Variants in FAM50B observed in about 807,000 individuals in gnomAD.
FAM50B encodes family with sequence similarity 50 member B, also known as protein FAM50B.
FAM50B carries 9 observed loss-of-function variants against 25.4 expected under a neutral mutation model. That is an observed-to-expected ratio of 0.35 (90% CI 0.21 to 0.62). The LOEUF (loss-of-function observed/expected upper bound fraction) is 0.62, where lower values mean the gene tolerates loss of function less well. FAM50B is among the 20% of genes least tolerant of loss of function. The pLI is 0.73. For synonymous variants in FAM50B, 212 were observed against 204.3 expected (o/e 1.04, Z -0.32); for missense variants, 372 against 477.9 (o/e 0.78, Z 2.07).
the FAM50B span, among the ~76,000 whole-genome samples, chr6:3,834,377 A>G: frequency 6.9e-6 from 1 of 145,138 alleles, no homozygotes; most frequent in African/African-American, 2.5e-5. Context: ...AAAAAAAAAA[A>G]GGAAGAAAAG....
chr6:3,849,759 T>C, intron 1 of FAM50B, 30 bp from the exon 2 acceptor site: 2 of 1,536,756 alleles, frequency 1.3e-6, no homozygotes, highest in African/African-American at 1.4e-5. Context: ...GGCCCCCCTC[T>C]ACCTGCCGCG....
intron 1 of FAM50B, 81 bp downstream of exon 1, chr6:3,849,567 C>T: frequency 1.7e-6 from 1 of 598,122 alleles, no homozygotes; most frequent in South Asian, 2.5e-5. Context: ...GGCAGCCACC[C>T]GTTACGTGGG....
At chr6:3,833,363 G>T in the FAM50B span, among the ~76,000 whole-genome samples, 2 of 152,092 alleles carry the variant, frequency 1.3e-5, no homozygotes, top group Non-Finnish European at 2.9e-5. Flanking sequence ...CAGTATCCTC[G>T]TCTGTAAGAT....
Position 3,850,591 on chromosome 6 carries a change from C to G in FAM50B, c.780C>G (p.Gly260=), listed in dbSNP as rs1290021041. The change falls in exon 2 of 2, where the codon GGC becomes GGG. Residue 260 remains glycine, a synonymous_variant. Coordinates refer to ENST00000648326, the MANE Select transcript of FAM50B (RefSeq NM_012135.3). Reference sequence around the variant, plus strand: ...ACTTCATCATCGCCAGGGCGAGGGGCAAGAGCGGGCCGCTCTTCAGCTTCG... The same window carrying G: ...ACTTCATCATCGCCAGGGCGAGGGGGAAGAGCGGGCCGCTCTTCAGCTTCG... ...FYDFIIARAR[G]KSGPLFSFDV... is the part of the protein sequence containing the mutation. The G allele has an allele frequency of 6.2e-7, 1 of 1,614,004 alleles. No homozygotes were observed. The highest frequency in any genetic ancestry group is 1.3e-5 in the African/African-American group (1 of 74,942).
At chr6:3,838,936 T>C in the FAM50B span, among the ~76,000 whole-genome samples, 1 of 151,444 alleles carries the variant, frequency 6.6e-6, no homozygotes, top group Non-Finnish European at 1.5e-5. Flanking sequence ...ATCAAATGCA[T>C]TATACTGGAG....
chr6:3,849,688 T>G, intron 1 of FAM50B, 101 bp from the exon 2 acceptor site: 1 of 1,431,590 alleles, frequency 7.0e-7, no homozygotes, highest in Non-Finnish European at 9.1e-7. Flanking sequence ...CCTGAACGCT[T>G]CCATCACTGC....
upstream of FAM50B, among the ~76,000 whole-genome samples, chr6:3,844,444 C>G (rs1425230271): frequency 2.0e-5 from 3 of 152,084 alleles, no homozygotes; most frequent in African/African-American, 7.2e-5. Flanking sequence ...GGCGAGGTGG[C>G]TCACGCCTGT....
At chr6:3,835,147 G>A in the FAM50B span, among the ~76,000 whole-genome samples, 1 of 152,318 alleles carries the variant, frequency 6.6e-6, no homozygotes, top group Admixed American at 6.5e-5. Flanking sequence ...GTCCTGTTGT[G>A]TTAGGGCAGG....
the FAM50B span, among the ~76,000 whole-genome samples, chr6:3,838,065 C>G: frequency 6.6e-6 from 1 of 152,120 alleles, no homozygotes; most frequent in Non-Finnish European, 1.5e-5. Flanking sequence ...TGATACAGTC[C>G]CTGTAGAAAA....
chr6:3,850,652 AC>A lies in FAM50B; in HGVS notation c.843del (p.Met282TrpfsTer62). ...TGACGTGCGCCTGCTCAGCGACGCCACCATGGAGAAGGACGAGTCGCACGCG... is the reference window on the plus strand; with the variant it reads ...TGACGTGCGCCTGCTCAGCGACGCCACATGGAGAAGGACGAGTCGCACGCG... ...HDDVRLLSDA[T>X]MEKDESHAGK... On this transcript the variant is annotated frameshift_variant, in exon 2 of 2. Coordinates refer to ENST00000648326, the MANE Select transcript of FAM50B (RefSeq NM_012135.3). LOFTEE classifies it high-confidence loss of function. The A allele has an allele frequency of 6.2e-7, 1 of 1,614,122 alleles. No individual in the cohort carries two copies. Among genetic ancestry groups the A allele is most frequent in the East Asian group, 2.2e-5 (1 of 44,872 alleles).
the FAM50B span, among the ~76,000 whole-genome samples, chr6:3,837,270 CAAG>C: frequency 6.6e-6 from 1 of 152,020 alleles, no homozygotes; most frequent in African/African-American, 2.4e-5. Context: ...CTGCAAAAGA[CAAG>C]AGAAGAAAAA....
the FAM50B span, among the ~76,000 whole-genome samples, chr6:3,838,430 C>T: frequency 1.3e-5 from 2 of 152,180 alleles, no homozygotes; most frequent in Non-Finnish European, 2.9e-5. Flanking sequence ...CATGAACTGG[C>T]CTGGCATGGT....
At position 3,850,218 on chromosome 6, in the gene FAM50B, C is replaced by G. The variant is rs768152468; in HGVS notation, c.407C>G (p.Ala136Gly). 3 of 1,613,298 alleles carry G rather than the reference C, an allele frequency of 1.9e-6. No individual in the cohort carries two copies. The highest frequency in any genetic ancestry group is 3.3e-5 in the Admixed American group (2 of 60,010). ...DLDDQADAAEARRAGNLGKNP... is the reference protein window; with the variant it reads ...DLDDQADAAEGRRAGNLGKNP... ...GATGACCAGGCCGACGCGGCCGAGGCCAGGCGCGCCGGAAACCTGGGCAAG... is the reference window on the plus strand; with the variant it reads ...GATGACCAGGCCGACGCGGCCGAGGGCAGGCGCGCCGGAAACCTGGGCAAG... The change falls in exon 2 of 2, where the codon GCC becomes GGC. Residue 136 changes from alanine (A) to glycine (G), a missense_variant. This residue lies in a region of FAM50B where 224 missense variants were observed against 232.2 expected (regional missense o/e 0.96). Transcript: ENST00000648326.
At chr6:3,845,778 G>A (rs9503763), upstream of FAM50B, among the ~76,000 whole-genome samples, 664 of 152,216 alleles carry the variant, frequency 4.4e-3, 7 homozygotes, top group African/African-American at 0.015. Context: ...GCAGTGGTGC[G>A]ATCTTGGCTC....
the FAM50B span, among the ~76,000 whole-genome samples, chr6:3,839,050 T>C: frequency 1.3e-5 from 2 of 151,904 alleles, no homozygotes; most frequent in East Asian, 3.9e-4. Flanking sequence ...TTTGTGTTGC[T>C]ATAAATACCT....
At chr6:3,842,090 A>G in the FAM50B span, among the ~76,000 whole-genome samples, 4 of 152,246 alleles carry the variant, frequency 2.6e-5, no homozygotes, top group Non-Finnish European at 5.9e-5. Context: ...GCAATCATCA[A>G]TCCCACCATT....
At chr6:3,842,785 A>C in the FAM50B span, among the ~76,000 whole-genome samples, 3 of 152,256 alleles carry the variant, frequency 2.0e-5, no homozygotes, top group Admixed American at 2.0e-4. Context: ...TGTAAAAGAC[A>C]TAAAAGCATA....
Position 3,850,432 on chromosome 6 carries a change from C to T in FAM50B, c.621C>T (p.Asn207=). The part of the protein sequence containing the change: ...HRRTVRVRKG[N]TVQQFLKKAL... Reference sequence around the variant, plus strand: ...GCACGGTGCGGGTGCGCAAGGGCAACACGGTGCAGCAGTTCCTGAAGAAGG... The same window carrying T: ...GCACGGTGCGGGTGCGCAAGGGCAATACGGTGCAGCAGTTCCTGAAGAAGG... The change falls in exon 2 of 2, where the codon AAC becomes AAT. Residue 207 remains asparagine, a synonymous_variant. Transcript: ENST00000648326. The T allele has an allele frequency of 6.2e-7, 1 of 1,613,454 alleles. No homozygotes were observed. Among genetic ancestry groups the T allele is most frequent in the South Asian group, 1.1e-5 (1 of 91,080 alleles).
the FAM50B span, among the ~76,000 whole-genome samples, chr6:3,842,920 T>C: frequency 5.9e-5 from 9 of 152,214 alleles, no homozygotes; most frequent in Non-Finnish European, 1.3e-4. Context: ...GTTACACACA[T>C]AGAGATTTCT....
Sources: gnomAD v4.1 joint callset for allele counts (sites outside exome capture counted in the v4.1 genomes callset) on GRCh38, gnomAD v4.1.1 for gene constraint, gnomAD v4.1.1 regional missense constraint, MANE v1.5 for transcripts, NCBI Gene and HGNC (gene_info 2026-07-23, HGNC 2026-07-21) for gene names.